The following TRAK1 variants were observed in gnomAD, a reference collection of about 807,000 sequenced individuals.
TRAK1 encodes the protein trafficking kinesin-binding protein 1.
TRAK1 carries 33 observed loss-of-function variants against 92.1 expected under a neutral mutation model. The observed-to-expected ratio is 0.36, with a 90% CI of 0.27 to 0.48. TRAK1 has a LOEUF of 0.48. Ranked by LOEUF, TRAK1 falls within the 20% of genes least tolerant of loss-of-function variation. TRAK1 has a pLI of 0.99. For synonymous variants in TRAK1, 521 were observed against 517.3 expected (o/e 1.01, Z -0.10); for missense variants, 1,123 against 1,257.9 (o/e 0.89, Z 1.62).
Position 42,223,881 on chromosome 3 carries a change from C to A in TRAK1, c.*144C>A. On this transcript the variant is annotated 3_prime_UTR_variant, in exon 16 of 16. Transcript: ENST00000327628. The surrounding 1 kb of genome is among the most constrained non-coding windows in gnomAD (Gnocchi z 6.1). Reference sequence around the variant, plus strand: ...CTAAGCTAGACAAATCAACCTCGTGCCTAATGGAGGAAGTGTGGAAACTTT... The same window carrying A: ...CTAAGCTAGACAAATCAACCTCGTGACTAATGGAGGAAGTGTGGAAACTTT... 1.1e-6 allele frequency: 1 copy of A among 924,358 alleles called. No individual in the cohort carries two copies. Among genetic ancestry groups the A allele is most frequent in the Non-Finnish European group, 1.6e-6 (1 of 612,214 alleles). The allele number at this position is 924,358 out of a possible 1,614,324, so 57.3% of individuals were successfully genotyped here. A position where few individuals can be genotyped will look rare whatever the true frequency, so the allele number is the denominator to read the frequency against.
At chr3:42,015,548 T>A (rs1701488270) in intron 1 of TRAK1, among the ~76,000 whole-genome samples, 1 of 152,114 alleles carries the variant, frequency 6.6e-6, no homozygotes. Context: ...TGCTCTCCCC[T>A]CTCTGGGAGA....
intron 10 of TRAK1, among the ~76,000 whole-genome samples, chr3:42,197,357 T>G (rs1706884788): frequency 3.3e-5 from 5 of 152,204 alleles, no homozygotes; most frequent in Admixed American, 3.3e-4. Context: ...AAAAAGATCA[T>G]CTCTAGATTG....
upstream of TRAK1, among the ~76,000 whole-genome samples, chr3:42,089,877 T>C (rs1188400927): frequency 6.6e-6 from 1 of 152,232 alleles, no homozygotes; most frequent in Admixed American, 6.5e-5. Flanking sequence ...AGTGCCTGCC[T>C]GTGGCCAGCG....
chr3:42,112,178 G>C (rs1234829110), intron 1 of TRAK1, among the ~76,000 whole-genome samples: 2 of 113,246 alleles, frequency 1.8e-5, no homozygotes, highest in South Asian at 2.9e-4. Flanking sequence ...GTCTTACTCT[G>C]TCGCCCAGGC....
At position 42,050,883 on chromosome 3, in the gene TRAK1, T is replaced by C. The variant is rs574922849; in HGVS notation, c.-518-36221T>C. On this transcript the variant is annotated intron_variant, in intron 1 of 16. Transcript: ENST00000487159. ...ATGTTGGCCAGGCTGGTCATTATTA[T>C]ATCTTTTAAAAACTTCCTTTATGGT... is the stretch of plus-strand genomic sequence containing the variant. 3.9e-5 allele frequency among the ~76,000 whole-genome samples: 6 copies of C among 152,202 alleles called. No homozygotes were observed. In the South Asian group the frequency reaches 1.0e-3, roughly 26 times the overall value.
chr3:42,104,695 G>T (rs201605991), intron 1 of TRAK1, among the ~76,000 whole-genome samples: 2 of 152,158 alleles, frequency 1.3e-5, no homozygotes, highest in African/African-American at 4.8e-5. Context: ...CCATCTGTAC[G>T]TCACCATCAT....
chr3:42,046,358 C>T (rs1433173456), intron 1 of TRAK1, among the ~76,000 whole-genome samples: 1 of 150,098 alleles, frequency 6.7e-6, no homozygotes, highest in Non-Finnish European at 1.5e-5. Flanking sequence ...AAAAAGACCA[C>T]ACATAATTTT....
At chr3:42,195,476 A>C (rs1263972749) in intron 10 of TRAK1, among the ~76,000 whole-genome samples, 1 of 152,172 alleles carries the variant, frequency 6.6e-6, no homozygotes, top group African/African-American at 2.4e-5. Context: ...AACTCCCCCA[A>C]GTGAGATAGG....
intron 1 of TRAK1, among the ~76,000 whole-genome samples, chr3:42,017,427 C>G (rs1322854643): frequency 1.3e-5 from 2 of 152,158 alleles, no homozygotes; most frequent in Admixed American, 6.5e-5. Flanking sequence ...TATTCTTGGA[C>G]AGAGATACAC....
intron 2 of TRAK1, among the ~76,000 whole-genome samples, chr3:42,129,627 A>C (rs1418069145): frequency 1.3e-5 from 2 of 152,204 alleles, no homozygotes; most frequent in Non-Finnish European, 2.9e-5. Context: ...AATGACCCAC[A>C]AAACAAATAT....
intron 1 of TRAK1, among the ~76,000 whole-genome samples, chr3:42,038,492 A>AT (rs1403504653): frequency 1.3e-5 from 2 of 152,156 alleles, no homozygotes; most frequent in Non-Finnish European, 2.9e-5. Context: ...ATTTTTAAAA[A>AT]TTTTTTGTAG....
chr3:42,153,181 A>C (rs1700137648), intron 2 of TRAK1, among the ~76,000 whole-genome samples: 1 of 152,050 alleles, frequency 6.6e-6, no homozygotes, highest in Admixed American at 6.6e-5. Context: ...AGGGGGGAGG[A>C]TCACTTGAGG....
At chr3:42,190,090 C>T (rs1705481853) in intron 6 of TRAK1, among the ~76,000 whole-genome samples, 1 of 152,162 alleles carries the variant, frequency 6.6e-6, no homozygotes, top group South Asian at 2.1e-4. Flanking sequence ...AAGTCTGTGA[C>T]TCTAAGCCCC....
chr3:42,023,744 GTTTTTTTTTTTTT>G lies in TRAK1; in HGVS notation c.-519+9642_-519+9654del, dbSNP rs780080581. ...TGCTGAGTTTGACGTGCTCGTGAGG[GTTTTTTTTTTTTT>G]TTTTTTTTTTTTTTGAGACGGAATC... On this transcript the variant is annotated intron_variant, in intron 1 of 16. Transcript: ENST00000487159. 2.2e-4 allele frequency among the ~76,000 whole-genome samples: 22 copies of G among 99,052 alleles called. 1 individual carries two copies. The highest frequency in any genetic ancestry group is 1.1e-3 in the Admixed American group (10 of 8,704). 65.0% of individuals were successfully genotyped at this position (99,052 alleles called of 152,430 possible).
Position 42,223,299 on chromosome 3 carries a change from T to C in TRAK1, c.2424T>C (p.Asn808=), listed in dbSNP as rs1164046520. The C allele has an allele frequency of 1.2e-6, 2 of 1,614,188 alleles. No homozygotes were observed. The highest frequency in any genetic ancestry group is 3.3e-5 in the Admixed American group (2 of 60,030). ...EFKCTSPPYD[N]FLASKPASSI... ...AGTGCACGAGCCCTCCCTACGACAA[T>C]TTCCTGGCTTCCAAGCCAGCCAGCT... Residue 808 remains asparagine (N), a synonymous_variant, in exon 16 of 16, where the codon AAT becomes AAC. Transcript: ENST00000327628. The surrounding 1 kb of genome is among the most constrained non-coding windows in gnomAD (Gnocchi z 6.1).
At chr3:42,026,019 C>A (rs1321707128) in intron 1 of TRAK1, among the ~76,000 whole-genome samples, 1 of 151,602 alleles carries the variant, frequency 6.6e-6, no homozygotes, top group African/African-American at 2.4e-5. Flanking sequence ...GCTGTTTGTT[C>A]TTTCTTCTTT....
intron 1 of TRAK1, among the ~76,000 whole-genome samples, chr3:42,079,648 T>G (rs1213910804): frequency 6.6e-6 from 1 of 151,896 alleles, no homozygotes; most frequent in African/African-American, 2.4e-5. Flanking sequence ...CCTGGCAATT[T>G]TTTTGTATCT....
Position 42,202,844 on chromosome 3 carries a change from C to A in TRAK1, c.1744+92C>A. The A allele has an allele frequency of 6.5e-7, 1 of 1,548,086 alleles. No individual in the cohort carries two copies. On this transcript the variant is annotated intron_variant, in intron 13 of 15. Coordinates refer to ENST00000327628, the MANE Select transcript of TRAK1 (RefSeq NM_001042646.3). This position sits in a 1 kb window ranked among gnomAD's most constrained non-coding sequence, Gnocchi z 6.1. ...TGCGGAAGGCGGGGCACCTCTGTCA[C>A]GCCTACTCCTTTTTCTTCCGCGACA...
upstream of TRAK1, among the ~76,000 whole-genome samples, chr3:42,088,393 T>G (rs545604791): frequency 1.3e-5 from 2 of 152,274 alleles, no homozygotes; most frequent in African/African-American, 4.8e-5. Flanking sequence ...GTCCTCCGCT[T>G]GTGACTGAGT....
Sources: gnomAD v4.1 joint callset for allele counts (sites outside exome capture counted in the v4.1 genomes callset) on GRCh38, gnomAD v4.1.1 for gene constraint, Gnocchi (gnomAD v3.1) non-coding constraint, MANE v1.5 for transcripts, NCBI Gene and HGNC (gene_info 2026-07-23, HGNC 2026-07-21) for gene names.